The following CFAP70 variants were observed in gnomAD, a reference collection of about 807,000 sequenced individuals.
CFAP70 encodes cilia- and flagella-associated protein 70.
In CFAP70, 81 loss-of-function variants were observed where a neutral mutation model predicts 137.6. That is an observed-to-expected ratio of 0.59 (90% CI 0.49 to 0.71). The LOEUF (loss-of-function observed/expected upper bound fraction) is 0.71. Ranked by LOEUF, CFAP70 falls within the 30% of genes least tolerant of loss-of-function variation. The pLI is 0.00. For synonymous variants in CFAP70, 382 were observed against 423.6 expected (o/e 0.90, Z 1.20); for missense variants, 976 against 1,226.7 (o/e 0.80, Z 3.05).
chr10:73,347,923 G>T (rs2053858731), intron 4 of CFAP70, among the ~76,000 whole-genome samples: 1 of 152,192 alleles, frequency 6.6e-6, no homozygotes, highest in African/African-American at 2.4e-5. Context: ...CTATGCCCAT[G>T]TGCCTCACTC....
chr10:73,310,991 C>A (rs1352138494), intron 11 of CFAP70, among the ~76,000 whole-genome samples: 1 of 152,098 alleles, frequency 6.6e-6, no homozygotes, highest in East Asian at 1.9e-4. Flanking sequence ...TTTTTTCATA[C>A]CCTTGCAAGA....
chr10:73,291,282 CCTAAA>C lies in CFAP70; in HGVS notation c.2178_2182del (p.Ser726ArgfsTer33). 1.2e-6 allele frequency: 2 copies of C among 1,614,188 alleles called. No homozygotes were observed. The highest frequency in any genetic ancestry group is 1.7e-6 in the Non-Finnish European group (2 of 1,180,036). On this transcript the variant is annotated frameshift_variant, in exon 19 of 27. Transcript: ENST00000310715. LOFTEE classifies it high-confidence loss of function. ...AGAACCATTTGTGATTCCCCAAGGG[CCTAAA>C]CTAGATTCTCTCTTCCCTCTTTCCT...
intron 9 of CFAP70, among the ~76,000 whole-genome samples, chr10:73,317,680 G>C (rs1340929627): frequency 1.3e-5 from 2 of 151,910 alleles, no homozygotes; most frequent in African/African-American, 4.8e-5. Flanking sequence ...ACATATTGTT[G>C]GTTGCCTTCC....
chr10:73,328,102 C>T lies in CFAP70; in HGVS notation c.777+3075G>A, dbSNP rs1374098793. Among the ~76,000 whole-genome samples, 12 of 152,082 alleles carry T rather than the reference C, an allele frequency of 7.9e-5. No homozygotes were observed. In the South Asian group the frequency reaches 1.5e-3, roughly 18 times the overall value. ...GACTTCAAACTATACTACAAGTCTA[C>T]GGTAACCAAAACAGCATGGTACTGG... On this transcript the variant is annotated intron_variant, in intron 8 of 26. Coordinates refer to ENST00000310715, the Ensembl canonical transcript of CFAP70.
Position 73,275,529 on chromosome 10 carries a change from C to A in CFAP70, c.2590G>T (p.Val864Leu). ...TTAAGAATGTGTGTTTGGGCCAGCA[C>A]CAAGTAATATTCACAGCTGGGGCCT... Residue 864 changes from valine (V) to leucine (L), a missense_variant, in exon 22 of 27, where the codon GTG becomes TTG. Physicochemically the swap from Val to Leu is conservative, Grantham distance 32. Coordinates refer to ENST00000310715, the Ensembl canonical transcript of CFAP70. This position sits in a 1 kb window ranked among gnomAD's most constrained non-coding sequence, Gnocchi z 4.0. 6.2e-7 allele frequency: 1 copy of A among 1,611,870 alleles called. No homozygotes were observed. Among genetic ancestry groups the A allele is most frequent in the East Asian group, 2.2e-5 (1 of 44,656 alleles).
chr10:73,293,134 TTTTTGGAC>T, intron 16 of CFAP70, 121 bp downstream of exon 17: 1 of 966,912 alleles, frequency 1.0e-6, no homozygotes, highest in South Asian at 2.5e-5. Context: ...TGGGAACCTA[TTTTTGGAC>T]TTTATTGTTC....
Position 73,312,646 on chromosome 10 carries a change from G to GA in CFAP70, c.913-4dup. 6.6e-7 allele frequency: 1 copy of GA among 1,521,556 alleles called. No homozygotes were observed. The highest frequency in any genetic ancestry group is 8.8e-7 in the Non-Finnish European group (1 of 1,139,026). 94.3% of individuals were successfully genotyped at this position (1,521,556 alleles called of 1,614,324 possible). A position where few individuals can be genotyped will look rare whatever the true frequency, so the allele number is the denominator to read the frequency against. On this transcript the variant is annotated splice_region_variant and splice_polypyrimidine_tract_variant and intron_variant, in intron 9 of 26. Transcript: ENST00000310715. ...AACAAGCTCAATAAACATTTGGTCTGAAAAACAAAAAAACAAACAAAAAAA... is the reference window on the plus strand; with the variant it reads ...AACAAGCTCAATAAACATTTGGTCTGAAAAAACAAAAAAACAAACAAAAAAA...
intron 7 of CFAP70, 63 bp downstream of exon 8, chr10:73,335,367 T>C: frequency 6.7e-6 from 7 of 1,043,986 alleles, no homozygotes; most frequent in Non-Finnish European, 1.0e-5. Context: ...TTAACAAAAG[T>C]AACATTTCTT....
intron 3 of CFAP70, among the ~76,000 whole-genome samples, chr10:73,351,041 A>ATG (rs2054176565): frequency 1.2e-5 from 1 of 82,506 alleles, no homozygotes; most frequent in African/African-American, 5.7e-5. Context: ...ATATGTGTGT[A>ATG]TATATGTGTG....
chr10:73,304,152 G>A (rs1316487495), intron 12 of CFAP70, among the ~76,000 whole-genome samples: 1 of 152,012 alleles, frequency 6.6e-6, no homozygotes, highest in African/African-American at 2.4e-5. Context: ...CACCTCCTGG[G>A]TTCAAGCAAT....
chr10:73,296,998 T>C (rs758212976), intron 15 of CFAP70, 44 bp downstream of exon 16: 10 of 1,590,994 alleles, frequency 6.3e-6, no homozygotes, highest in Non-Finnish European at 8.5e-6. Flanking sequence ...AAGACTCTGA[T>C]GCTCTACAGA....
intron 15 of CFAP70, chr10:73,295,329 G>GAGAGAA (rs2048457849): frequency 7.4e-6 from 1 of 135,292 alleles, no homozygotes; most frequent in Non-Finnish European, 1.6e-5. Context: ...AAGAGAGAGA[G>GAGAGAA]AGAGAAAGAG....
intron 26 of CFAP70, chr10:73,254,319 C>T (rs767275806): frequency 7.2e-5 from 20 of 277,006 alleles, no homozygotes; most frequent in Middle Eastern, 1.1e-3. Context: ...AAGATAACTT[C>T]ATTAAAATTT....
At position 73,345,758 on chromosome 10, in the gene CFAP70, T is replaced by C. The variant is rs562973119; in HGVS notation, c.350-644A>G. Reference sequence around the variant, plus strand: ...GAGGCAGTGAGCTGAGATTGTGCCATTGCACTCTAGCCTGGTCAACAAGAG... The same window carrying C: ...GAGGCAGTGAGCTGAGATTGTGCCACTGCACTCTAGCCTGGTCAACAAGAG... On this transcript the variant is annotated intron_variant, in intron 4 of 26. Transcript: ENST00000310715. Among the ~76,000 whole-genome samples, 137 of 151,974 alleles carry C rather than the reference T, an allele frequency of 9.0e-4. 1 individual carries two copies. The highest frequency in any genetic ancestry group is 1.6e-3 in the Non-Finnish European group (106 of 67,952).
At chr10:73,343,054 C>A (rs1243896075) in intron 5 of CFAP70, among the ~76,000 whole-genome samples, 1 of 151,818 alleles carries the variant, frequency 6.6e-6, no homozygotes, top group African/African-American at 2.4e-5. Flanking sequence ...ACTAAAAATA[C>A]AAAAAATTAG....
intron 21 of CFAP70, chr10:73,276,888 A>C: frequency 6.0e-6 from 1 of 167,262 alleles, no homozygotes; most frequent in Admixed American, 6.1e-5. Flanking sequence ...GTATGTTTCT[A>C]GTTGGATCTA....
rs867544797 is a variant in CFAP70, at chr10:73,279,584, C to T, written c.2240-1247G>A. Among the ~76,000 whole-genome samples the T allele has an allele frequency of 1.5e-4, 22 of 150,576 alleles. No homozygotes were observed. The South Asian group carries it at 3.6e-3, about 25-fold the overall frequency. On this transcript the variant is annotated intron_variant, in intron 19 of 26. Transcript: ENST00000310715. Reference sequence around the variant, plus strand: ...AAATAAATAAATATAAGAAGTTGGGCGAGGTGACTCACGCCTGTGAGCCCA... The same window carrying T: ...AAATAAATAAATATAAGAAGTTGGGTGAGGTGACTCACGCCTGTGAGCCCA...
chr10:73,277,200 A>G lies in CFAP70; in HGVS notation c.2520+40T>C, dbSNP rs746995371. On this transcript the variant is annotated intron_variant, in intron 21 of 26. Coordinates refer to ENST00000310715, the Ensembl canonical transcript of CFAP70. ...TATGGATAGAATAAAGAGTTTGCTA[A>G]AATCTTTCCATCTACTTGCCCTTTT... The G allele has an allele frequency of 3.2e-6, 5 of 1,586,508 alleles. No individual in the cohort carries two copies. The African/African-American group carries it at 6.8e-5, about 22-fold the overall frequency.
intron 12 of CFAP70, among the ~76,000 whole-genome samples, chr10:73,306,330 T>C (rs1463095142): frequency 4.6e-5 from 7 of 152,070 alleles, no homozygotes; most frequent in Non-Finnish European, 8.8e-5. Flanking sequence ...AAGATATGAA[T>C]TGACACATCC....
Sources: gnomAD v4.1 joint callset for allele counts (sites outside exome capture counted in the v4.1 genomes callset) on GRCh38, gnomAD v4.1.1 for gene constraint, Gnocchi (gnomAD v3.1) non-coding constraint, MANE v1.5 for transcripts, NCBI Gene and HGNC (gene_info 2026-07-23, HGNC 2026-07-21) for gene names.